The following NFIA variants were observed in gnomAD, a reference collection of about 807,000 sequenced individuals.
NFIA encodes the protein nuclear factor I A.
A neutral mutation model predicts 62.8 loss-of-function variants in NFIA; 8 were observed. That is an observed-to-expected ratio of 0.13 (90% CI 0.07 to 0.23). NFIA has a LOEUF of 0.23. Among genes scored for constraint, NFIA ranks in the 10% least tolerant of loss-of-function variants. The pLI is 1.00. For missense variants in NFIA, 410 were observed against 642.1 expected (o/e 0.64, Z 3.91); for synonymous variants, 235 against 238.1 (o/e 0.99, Z 0.12).
chr1:61,329,812 A>G (rs1016803074), intron 3 of NFIA, among the ~76,000 whole-genome samples: 1 of 152,212 alleles, frequency 6.6e-6, no homozygotes, highest in Non-Finnish European at 1.5e-5. Context: ...AGATTTGCAT[A>G]TCTGTCAGAC....
rs79746561 is a variant in NFIA at position 61,416,496 on chromosome 1, G to C, written c.1420+9769G>C. ...GAGCATGGGGTTCAGTGTAAGGTGAGCATTTTCATTCACAGTAGCTATTAG... is the reference window on the plus strand; with the variant it reads ...GAGCATGGGGTTCAGTGTAAGGTGACCATTTTCATTCACAGTAGCTATTAG... On this transcript the variant is annotated intron_variant, in intron 9 of 10. Transcript: ENST00000403491. Among the ~76,000 whole-genome samples the C allele has an allele frequency of 8.7e-3, 1,325 of 152,188 alleles. 15 individuals are homozygous for C. Among genetic ancestry groups the C allele is most frequent in the African/African-American group, 0.031 (1,274 of 41,532 alleles).
intron 7 of NFIA, among the ~76,000 whole-genome samples, chr1:61,392,082 T>C (rs1379998482): frequency 6.6e-6 from 1 of 152,156 alleles, no homozygotes; most frequent in Non-Finnish European, 1.5e-5. Flanking sequence ...GTACCACCTT[T>C]AAGGAGCATG....
At chr1:61,309,487 A>G (rs1659977167) in intron 3 of NFIA, among the ~76,000 whole-genome samples, 1 of 111,006 alleles carries the variant, frequency 9.0e-6, no homozygotes, top group Non-Finnish European at 1.8e-5. Flanking sequence ...AAAAACAACA[A>G]CAACAAAAAA....
At chr1:61,197,423 G>T (rs905884369) in intron 2 of NFIA, among the ~76,000 whole-genome samples, 10 of 151,068 alleles carry the variant, frequency 6.6e-5, no homozygotes, top group African/African-American at 2.4e-4. Context: ...ATTTTTAGTA[G>T]AGATGGGATT....
chr1:61,195,183 T>G (rs982248427), intron 2 of NFIA, among the ~76,000 whole-genome samples: 10 of 152,350 alleles, frequency 6.6e-5, no homozygotes, highest in African/African-American at 2.2e-4. Context: ...ATTCTTGGTG[T>G]ACATTTGTAA....
Position 61,456,047 on chromosome 1 carries a change from AAAC to A in NFIA, c.*738_*740del, listed in dbSNP as rs1328983520. On this transcript the variant is annotated 3_prime_UTR_variant, in exon 11 of 11. Coordinates refer to ENST00000403491, the MANE Select transcript of NFIA (RefSeq NM_001134673.4). ...TGAAATGCTGCACTTACATTTAAAA[AAAC>A]AACAACAACATTTTTTCAACAATTT... 4 of 152,770 alleles carry A rather than the reference AAAC, an allele frequency of 2.6e-5. No homozygotes were observed. Among genetic ancestry groups the A allele is most frequent in the South Asian group, 2.1e-4 (1 of 4,832 alleles). The allele number at this position is 152,770 out of a possible 1,614,324, so 9.5% of individuals were successfully genotyped here.
chr1:61,311,228 C>G (rs1180099880), intron 3 of NFIA, among the ~76,000 whole-genome samples: 1 of 152,092 alleles, frequency 6.6e-6, no homozygotes, highest in African/African-American at 2.4e-5. Context: ...CCCATCTCTA[C>G]TAAAAATACA....
chr1:61,371,942 G>C (rs894243252), intron 6 of NFIA, among the ~76,000 whole-genome samples: 6 of 152,126 alleles, frequency 3.9e-5, no homozygotes, highest in African/African-American at 1.2e-4. Flanking sequence ...TGCATGAGTA[G>C]AAGAAGCCGC....
At chr1:61,104,373 T>C (rs1451490007) in intron 2 of NFIA, among the ~76,000 whole-genome samples, 1 of 152,060 alleles carries the variant, frequency 6.6e-6, no homozygotes, top group Non-Finnish European at 1.5e-5. Flanking sequence ...GCACAGGAAG[T>C]AAAAGAAAAG....
intron 2 of NFIA, among the ~76,000 whole-genome samples, chr1:61,151,841 C>T (rs1282168086): frequency 3.3e-5 from 5 of 152,046 alleles, no homozygotes; most frequent in Non-Finnish European, 7.4e-5. Flanking sequence ...ATACTGAGGG[C>T]GGATGCTGAT....
rs898740817 is a variant in NFIA at position 61,383,476 on chromosome 1, T to G, written c.1075+111T>G. The G allele has an allele frequency of 8.2e-6, 11 of 1,336,030 alleles. No homozygotes were observed. The South Asian group carries it at 1.8e-4, about 21-fold the overall frequency. 82.8% of individuals were successfully genotyped at this position (1,336,030 alleles called of 1,614,324 possible). A position where few individuals can be genotyped will look rare whatever the true frequency, so the allele number is the denominator to read the frequency against. On this transcript the variant is annotated intron_variant, in intron 7 of 10. Transcript: ENST00000403491. ...CCCTGAACACTCGTGAGGCAGTGAG[T>G]GTTCCAATTTCTTACCCTTGGGGGC...
At chr1:61,367,571 G>A (rs568983657) in intron 6 of NFIA, among the ~76,000 whole-genome samples, 1 of 152,254 alleles carries the variant, frequency 6.6e-6, no homozygotes, top group South Asian at 2.1e-4. Flanking sequence ...GTAACAAGGG[G>A]CCTCTTCTTT....
At chr1:61,136,176 T>G (rs1647187255) in intron 2 of NFIA, among the ~76,000 whole-genome samples, 1 of 152,236 alleles carries the variant, frequency 6.6e-6, no homozygotes, top group Non-Finnish European at 1.5e-5. Context: ...TGAGGTTGGA[T>G]TCACCGTGTC....
At chr1:61,201,586 G>A (rs976029259) in intron 2 of NFIA, among the ~76,000 whole-genome samples, 21 of 151,786 alleles carry the variant, frequency 1.4e-4, no homozygotes, top group Non-Finnish European at 1.8e-4. Context: ...GGTGGTAAAA[G>A]CCTGTTTAAT....
intron 3 of NFIA, among the ~76,000 whole-genome samples, chr1:61,288,572 C>T (rs1658658674): frequency 6.6e-6 from 1 of 152,180 alleles, no homozygotes; most frequent in African/African-American, 2.4e-5. Flanking sequence ...ATAATAGTAG[C>T]TCACAATCAT....
chr1:61,130,362 G>A (rs1647052641), intron 2 of NFIA, among the ~76,000 whole-genome samples: 1 of 152,140 alleles, frequency 6.6e-6, no homozygotes, highest in South Asian at 2.1e-4. Flanking sequence ...TGGACAAAAA[G>A]ACAGACACAT....
At chr1:61,362,898 T>C (rs1663377141) in intron 6 of NFIA, among the ~76,000 whole-genome samples, 2 of 152,158 alleles carry the variant, frequency 1.3e-5, no homozygotes, top group African/African-American at 4.8e-5. Context: ...TCAACTCTTG[T>C]TTATCTGTAC....
intron 2 of NFIA, among the ~76,000 whole-genome samples, chr1:61,115,355 A>G (rs1646777815): frequency 6.6e-6 from 1 of 152,254 alleles, no homozygotes; most frequent in Admixed American, 6.5e-5. Flanking sequence ...AGAGAAAAAC[A>G]GGAAGCTGGG....
chr1:61,234,134 G>A (rs1654839570), intron 2 of NFIA, among the ~76,000 whole-genome samples: 1 of 151,922 alleles, frequency 6.6e-6, no homozygotes, highest in Non-Finnish European at 1.5e-5. Context: ...TTGGGAGGCC[G>A]AGGCGGGCGG....
Sources: allele counts gnomAD v4.1 joint callset (sites outside exome capture counted in the v4.1 genomes callset), GRCh38; gene constraint gnomAD v4.1.1; transcripts MANE v1.5; gene names NCBI Gene and HGNC (gene_info 2026-07-23, HGNC 2026-07-21).